Variants in KCNIP1 observed in about 807,000 individuals in gnomAD.
KCNIP1 encodes potassium voltage-gated channel interacting protein 1.
Under a neutral mutation model 33.0 loss-of-function variants are expected in KCNIP1, and 18 were observed. The ratio of observed to expected loss-of-function variants is 0.55; its 90% CI spans 0.38 to 0.81. KCNIP1 has a LOEUF of 0.81. Among genes scored for constraint, KCNIP1 ranks in the 30% least tolerant of loss-of-function variants. The pLI, the probability that KCNIP1 is intolerant of heterozygous loss-of-function variation, is 0.00. For missense variants in KCNIP1, 238 were observed against 271.6 expected, an observed-to-expected ratio of 0.88 and a Z score of 0.87; for synonymous variants, 93 against 98.3, an observed-to-expected ratio of 0.95 and a Z score of 0.32.
intron 1 of KCNIP1, among the ~76,000 whole-genome samples, chr5:170,653,254 T>C (rs1761124127): frequency 6.6e-6 from 1 of 152,180 alleles, no homozygotes; most frequent in South Asian, 2.1e-4. Flanking sequence ...CCATGAGGAA[T>C]TGGGGAAACT....
chr5:170,611,105 A>G (rs551554721), intron 1 of KCNIP1, among the ~76,000 whole-genome samples: 1 of 152,362 alleles, frequency 6.6e-6, no homozygotes, highest in African/African-American at 2.4e-5. Context: ...ACTCAAATTC[A>G]TCAAGTGTTT....
At chr5:170,698,362 A>G (rs2113830609) in intron 1 of KCNIP1, among the ~76,000 whole-genome samples, 2 of 152,338 alleles carry the variant, frequency 1.3e-5, no homozygotes, top group South Asian at 4.1e-4. Flanking sequence ...ATGGAATAGA[A>G]TGCTGCAGTT....
chr5:170,718,105 ATACT>A (rs879334158), intron 1 of KCNIP1, among the ~76,000 whole-genome samples: 9 of 152,254 alleles, frequency 5.9e-5, no homozygotes, highest in Non-Finnish European at 1.3e-4. Flanking sequence ...TAAGGGAGAC[ATACT>A]TAAACTACTA....
chr5:170,371,794 G>A (rs1763852730), intron 1 of KCNIP1, among the ~76,000 whole-genome samples: 1 of 152,184 alleles, frequency 6.6e-6, no homozygotes. Context: ...GCTCCATCTT[G>A]CTATAGTGAG....
chr5:170,598,182 G>A (rs1758533785), intron 1 of KCNIP1, among the ~76,000 whole-genome samples: 1 of 152,170 alleles, frequency 6.6e-6, no homozygotes, highest in Non-Finnish European at 1.5e-5. Context: ...TCATTCATCT[G>A]CCTTCCACCA....
At chr5:170,499,399 G>A (rs1044428257), upstream of KCNIP1, among the ~76,000 whole-genome samples, 2 of 152,212 alleles carry the variant, frequency 1.3e-5, no homozygotes, top group African/African-American at 4.8e-5. Context: ...CACCTGCTAA[G>A]GGCCCCACAA....
intron 1 of KCNIP1, among the ~76,000 whole-genome samples, chr5:170,526,110 G>C (rs1755556204): frequency 6.6e-6 from 1 of 152,122 alleles, no homozygotes; most frequent in African/African-American, 2.4e-5. Context: ...TTCGCCTGTG[G>C]CTGGGATTGA....
intron 1 of KCNIP1, among the ~76,000 whole-genome samples, chr5:170,557,908 G>A (rs750914676): frequency 6.6e-6 from 1 of 152,200 alleles, no homozygotes; most frequent in Non-Finnish European, 1.5e-5. Context: ...CAGGTAGAGT[G>A]CTTGGAACAG....
At chr5:170,732,729 C>G in intron 5 of KCNIP1, 71 bp from the exon 6 acceptor site, 10 of 1,009,052 alleles carry the variant, frequency 9.9e-6, no homozygotes, top group Non-Finnish European at 1.6e-5. Context: ...CAAGGAGCCC[C>G]AAACTCTGTC....
At chr5:170,392,850 G>A (rs1754639617) in intron 1 of KCNIP1, among the ~76,000 whole-genome samples, 2 of 152,054 alleles carry the variant, frequency 1.3e-5, no homozygotes, top group Non-Finnish European at 2.9e-5. Context: ...CAAAAAAAGT[G>A]CTTTATCTAC....
upstream of KCNIP1, among the ~76,000 whole-genome samples, chr5:170,502,580 T>C (rs1369740097): frequency 1.3e-5 from 2 of 152,186 alleles, no homozygotes; most frequent in Admixed American, 1.3e-4. Context: ...GTAGGTGTAT[T>C]ATGAGCCTTG....
chr5:170,571,259 C>T (rs185916330), intron 1 of KCNIP1, among the ~76,000 whole-genome samples: 3,267 of 151,206 alleles, frequency 0.022, 129 homozygotes, highest in African/African-American at 0.075. Flanking sequence ...CACATTAGAA[C>T]CCAGTTAGGT....
At chr5:170,487,998 C>T (rs1273875750) in intron 1 of KCNIP1, among the ~76,000 whole-genome samples, 1 of 152,202 alleles carries the variant, frequency 6.6e-6, no homozygotes, top group African/African-American at 2.4e-5. Flanking sequence ...GAAATATCTT[C>T]CTTGATCCCA....
upstream of KCNIP1, among the ~76,000 whole-genome samples, chr5:170,503,015 C>G (rs1757447651): frequency 6.6e-6 from 1 of 152,130 alleles, no homozygotes; most frequent in African/African-American, 2.4e-5. Context: ...CACTAACAAC[C>G]CGTGCCCAGG....
intron 1 of KCNIP1, among the ~76,000 whole-genome samples, chr5:170,406,932 G>T (rs891087048): frequency 6.6e-6 from 1 of 152,222 alleles, no homozygotes; most frequent in East Asian, 1.9e-4. Flanking sequence ...AGATGTGGGG[G>T]CATCAGCTTC....
chr5:170,463,953 CA>C (rs1324915287), intron 1 of KCNIP1, among the ~76,000 whole-genome samples: 1 of 152,074 alleles, frequency 6.6e-6, no homozygotes, highest in African/African-American at 2.4e-5. Context: ...AACTAATTAA[CA>C]AGATCAGCAA....
chr5:170,527,240 G>C (rs1755613527), intron 1 of KCNIP1, among the ~76,000 whole-genome samples: 1 of 152,076 alleles, frequency 6.6e-6, no homozygotes, highest in Non-Finnish European at 1.5e-5. Context: ...TCTGACACAT[G>C]GCAGAAGTTA....
At chr5:170,377,932 G>T (rs756102284) in intron 1 of KCNIP1, 1 of 151,726 alleles carries the variant, frequency 6.6e-6, no homozygotes, top group East Asian at 2.0e-4. Flanking sequence ...ACCCAACTCC[G>T]TCCCCAGACC....
At chr5:170,386,231 G>A (rs1764466830) in intron 1 of KCNIP1, among the ~76,000 whole-genome samples, 1 of 152,196 alleles carries the variant, frequency 6.6e-6, no homozygotes, top group Non-Finnish European at 1.5e-5. Flanking sequence ...TAATAAGAGG[G>A]AAGTGAAGGG....
Sources: gnomAD v4.1 joint callset for allele counts (sites outside exome capture counted in the v4.1 genomes callset) on GRCh38, gnomAD v4.1.1 for gene constraint, MANE v1.5 for transcripts, NCBI Gene and HGNC (gene_info 2026-07-23, HGNC 2026-07-21) for gene names.